The following MORC3 variants were observed in gnomAD, a reference collection of about 807,000 sequenced individuals.
MORC3 encodes the protein MORC family CW-type zinc finger protein 3.
In MORC3, 31 loss-of-function variants were observed where a neutral mutation model predicts 109.1. The observed-to-expected ratio is 0.28, with a 90% CI of 0.21 to 0.38. MORC3 has a LOEUF of 0.38. MORC3 is among the 10% of genes least tolerant of loss of function. The pLI is 1.00. For synonymous variants in MORC3, 395 were observed against 380.7 expected (o/e 1.04, Z -0.44); for missense variants, 867 against 1,135.8 (o/e 0.76, Z 3.40).
At chr21:36,363,021 C>G (rs948850163) in intron 13 of MORC3, among the ~76,000 whole-genome samples, 2 of 152,154 alleles carry the variant, frequency 1.3e-5, no homozygotes, top group African/African-American at 2.4e-5. Flanking sequence ...ACTACTCTGC[C>G]TGGCCTCTCT....
chr21:36,350,621 A>G (rs560126495), intron 9 of MORC3, among the ~76,000 whole-genome samples: 1 of 152,260 alleles, frequency 6.6e-6, no homozygotes, highest in East Asian at 1.9e-4. Context: ...CTGATTAAGG[A>G]AAAGGAGTAG....
At chr21:36,337,091 G>A (rs911157454) in intron 3 of MORC3, 85 bp downstream of exon 3, 1 of 1,491,040 alleles carries the variant, frequency 6.7e-7, no homozygotes, top group Admixed American at 2.0e-5. Flanking sequence ...CTTGGTTTTT[G>A]TTTTTTGAAA....
chr21:36,356,627 A>G lies in MORC3; in HGVS notation c.1111A>G (p.Ile371Val). Reference protein sequence around the residue: ...FDYTNEYRLTITALGEKLNDY... With the variant: ...FDYTNEYRLTVTALGEKLNDY... The stretch of plus-strand genomic sequence containing the variant: ...TATGATTTACTTTTTAAGACTTACA[A>G]TAACAGCACTAGGAGAAAAGCTGAA... Residue 371 changes from isoleucine (I) to valine (V), a missense_variant, in exon 10 of 17, where the codon ATA becomes GTA. Physicochemically the swap from Ile to Val is conservative, Grantham distance 29. Coordinates refer to ENST00000400485, the MANE Select transcript of MORC3 (RefSeq NM_015358.3). 1.3e-6 allele frequency: 2 copies of G among 1,581,476 alleles called. No homozygotes were observed. Among genetic ancestry groups the G allele is most frequent in the Non-Finnish European group, 8.6e-7 (1 of 1,167,796 alleles).
chr21:36,342,380 A>G (rs1356593602), intron 6 of MORC3, among the ~76,000 whole-genome samples: 6 of 152,148 alleles, frequency 3.9e-5, no homozygotes, highest in African/African-American at 1.4e-4. Context: ...TCCCTTTAGA[A>G]ATGAGGTTTT....
At chr21:36,370,945 A>G (rs2071175546) in intron 15 of MORC3, among the ~76,000 whole-genome samples, 1 of 152,104 alleles carries the variant, frequency 6.6e-6, no homozygotes. Flanking sequence ...TTGGAATTAC[A>G]GGCGTGAGCC....
At chr21:36,339,116 T>C in intron 5 of MORC3, 195 bp downstream of exon 5, 1 of 598,548 alleles carries the variant, frequency 1.7e-6, no homozygotes, top group Non-Finnish European at 2.5e-6. Context: ...ATTTTCATCT[T>C]GTTAAAAAAA....
intron 9 of MORC3, among the ~76,000 whole-genome samples, chr21:36,350,193 G>C (rs1477946897): frequency 6.6e-6 from 1 of 152,102 alleles, no homozygotes; most frequent in African/African-American, 2.4e-5. Context: ...TGTGGTCCCA[G>C]CTACTCAGGA....
intron 12 of MORC3, 185 bp from the exon 13 acceptor site, chr21:36,361,998 A>C: frequency 2.9e-6 from 2 of 678,742 alleles, no homozygotes; most frequent in South Asian, 3.6e-5. Flanking sequence ...AGGATGGAAA[A>C]ATTCAGGCTA....
chr21:36,321,952 G>A (rs921991864), intron 1 of MORC3, among the ~76,000 whole-genome samples: 1 of 152,208 alleles, frequency 6.6e-6, no homozygotes, highest in Admixed American at 6.5e-5. Context: ...TCTGGGTGTA[G>A]CTGCTGTCCA....
At position 36,369,654 on chromosome 21, in the gene MORC3, A is replaced by G. The variant is rs777632898; in HGVS notation, c.2286A>G (p.Lys762=). The G allele has an allele frequency of 1.9e-6, 3 of 1,614,106 alleles. No individual in the cohort carries two copies. The highest frequency in any genetic ancestry group is 1.3e-5 in the African/African-American group (1 of 74,944). Residue 762 remains lysine (K), a synonymous_variant, in exon 15 of 17, where the codon AAA becomes AAG. Coordinates refer to ENST00000400485, the MANE Select transcript of MORC3 (RefSeq NM_015358.3). ...TTTTACTTGAAAGTATTAATGGCAA[A>G]TCTGAAAGTCCAGACCATATGGTAT... The part of the protein sequence containing the change: ...AVFLLESING[K]SESPDHMVSQ...
intron 2 of MORC3, among the ~76,000 whole-genome samples, chr21:36,334,612 TTAG>T (rs1439976341): frequency 6.6e-6 from 1 of 152,182 alleles, no homozygotes; most frequent in Non-Finnish European, 1.5e-5. Context: ...ATTATGTTTA[TTAG>T]TAGTACAAAA....
intron 1 of MORC3, among the ~76,000 whole-genome samples, chr21:36,331,656 C>T (rs1023339031): frequency 1.5e-4 from 23 of 151,862 alleles, no homozygotes; most frequent in African/African-American, 4.8e-4. Context: ...ACATTTGGTA[C>T]GTACCACTAC....
At chr21:36,355,312 A>G (rs539279080) in intron 9 of MORC3, among the ~76,000 whole-genome samples, 70 of 152,280 alleles carry the variant, frequency 4.6e-4, no homozygotes, top group African/African-American at 1.6e-3. Context: ...GTCCAATATC[A>G]AAAGAACTGT....
rs925527666 is a variant in MORC3 at position 36,375,838 on chromosome 21, T to C, written c.*542T>C. 1.3e-5 allele frequency: 2 copies of C among 152,498 alleles called. No homozygotes were observed. The highest frequency in any genetic ancestry group is 4.8e-5 in the African/African-American group (2 of 41,472). The allele number at this position is 152,498 out of a possible 1,614,324, so 9.4% of individuals were successfully genotyped here. A position where few individuals can be genotyped will look rare whatever the true frequency, so the allele number is the denominator to read the frequency against. On this transcript the variant is annotated 3_prime_UTR_variant, in exon 17 of 17. Transcript: ENST00000400485. ...GTATAAATTCCTGTCCTGAAATATT[T>C]TATTCATGAAAATAAGGTAAGCAAA... is the stretch of plus-strand genomic sequence containing the variant.
At chr21:36,364,670 T>C (rs910087995) in intron 14 of MORC3, among the ~76,000 whole-genome samples, 1 of 151,594 alleles carries the variant, frequency 6.6e-6, no homozygotes, top group Non-Finnish European at 1.5e-5. Context: ...ATTAATTGTA[T>C]TCATTGTAGA....
chr21:36,363,985 G>A, intron 13 of MORC3, 108 bp from the exon 14 acceptor site: 5 of 1,224,452 alleles, frequency 4.1e-6, no homozygotes, highest in Non-Finnish European at 5.7e-6. Flanking sequence ...GTTTGGAATT[G>A]TTTTTGTGTC....
At chr21:36,338,706 A>G in intron 4 of MORC3, 68 bp from the exon 5 acceptor site, 2 of 1,389,876 alleles carry the variant, frequency 1.4e-6, no homozygotes, top group South Asian at 2.7e-5. Context: ...TTAAGTTTAT[A>G]GAGTTAGTTT....
chr21:36,338,037 C>T (rs1389250795), intron 4 of MORC3, 91 bp downstream of exon 4: 1 of 1,287,514 alleles, frequency 7.8e-7, no homozygotes, highest in Non-Finnish European at 1.1e-6. Context: ...CAGATTATTC[C>T]CTTTGAATAA....
intron 6 of MORC3, among the ~76,000 whole-genome samples, chr21:36,344,346 CTA>C (rs2085484932): frequency 1.3e-5 from 2 of 152,060 alleles, no homozygotes; most frequent in Non-Finnish European, 2.9e-5. Context: ...ATATCAGCAT[CTA>C]TATAGATCAG....
Sources: allele counts gnomAD v4.1 joint callset (sites outside exome capture counted in the v4.1 genomes callset), GRCh38; gene constraint gnomAD v4.1.1; transcripts MANE v1.5; gene names NCBI Gene and HGNC (gene_info 2026-07-23, HGNC 2026-07-21).